The following CDC73 variants were observed in gnomAD, a reference collection of about 807,000 sequenced individuals.
CDC73 encodes cell division cycle 73, also known as parafibromin.
CDC73 carries 21 observed loss-of-function variants against 83.7 expected under a neutral mutation model. That is an observed-to-expected ratio of 0.25 (90% CI 0.18 to 0.36). The LOEUF (loss-of-function observed/expected upper bound fraction) is 0.36, where lower values mean the gene tolerates loss of function less well. CDC73 is among the 10% of genes least tolerant of loss of function. CDC73 has a pLI of 1.00. For synonymous variants in CDC73, 224 were observed against 212.9 expected (o/e 1.05, Z -0.45); for missense variants, 342 against 653.3 (o/e 0.52, Z 5.19).
rs374711334 is a variant in CDC73 at position 193,233,930 on chromosome 1, C to T, written c.1316+776C>T. ...CGGGAGTAAAAGTTGAGTATATATC[C>T]GTGATACAGAGAACGCAACACATGG... On this transcript the variant is annotated intron_variant, in intron 14 of 16. Coordinates refer to ENST00000367435, the MANE Select transcript of CDC73 (RefSeq NM_024529.5). 7.3e-5 allele frequency among the ~76,000 whole-genome samples: 11 copies of T among 151,594 alleles called. No homozygotes were observed. The South Asian group carries it at 1.3e-3, about 17-fold the overall frequency.
At chr1:193,203,750 G>T in intron 10 of CDC73, 45 bp from the exon 11 acceptor site, 1 of 1,405,256 alleles carries the variant, frequency 7.1e-7, no homozygotes, top group Non-Finnish European at 1.0e-6. Context: ...TGTTTATTAT[G>T]TAAAGAAACT....
chr1:193,194,970 A>G (rs1676977782), intron 10 of CDC73, among the ~76,000 whole-genome samples: 1 of 152,116 alleles, frequency 6.6e-6, no homozygotes, highest in Non-Finnish European at 1.5e-5. Flanking sequence ...TATATTAGTT[A>G]TTAGTATTTA....
At chr1:193,144,865 A>G (rs550385490) in intron 7 of CDC73, among the ~76,000 whole-genome samples, 66 of 152,042 alleles carry the variant, frequency 4.3e-4, no homozygotes, top group African/African-American at 1.5e-3. Flanking sequence ...CCTTGAAGGA[A>G]AGCAACTGAT....
intron 10 of CDC73, among the ~76,000 whole-genome samples, chr1:193,199,690 G>A (rs1285639441): frequency 6.9e-6 from 1 of 145,396 alleles, no homozygotes; most frequent in Non-Finnish European, 1.5e-5. Context: ...CAGCCTGGGT[G>A]ACAGAGCAAG....
At position 193,166,779 on chromosome 1, in the gene CDC73, C is replaced by T. The variant is rs1676442123; in HGVS notation, c.972+14335C>T. 2.0e-5 allele frequency among the ~76,000 whole-genome samples: 3 copies of T among 151,808 alleles called. No individual in the cohort carries two copies. The South Asian group carries it at 6.2e-4, about 32-fold the overall frequency. Reference sequence around the variant, plus strand: ...GTCCTGCCTCAGCCTTCCCGAGTAGCTGGGATTACAGTTATGCGCCACCAC... The same window carrying T: ...GTCCTGCCTCAGCCTTCCCGAGTAGTTGGGATTACAGTTATGCGCCACCAC... On this transcript the variant is annotated intron_variant, in intron 10 of 16. Transcript: ENST00000367435.
At chr1:193,207,959 A>C (rs778624018) in intron 11 of CDC73, among the ~76,000 whole-genome samples, 1 of 152,206 alleles carries the variant, frequency 6.6e-6, no homozygotes, top group Non-Finnish European at 1.5e-5. Flanking sequence ...CTCCAATTCA[A>C]ACCTCTGGTA....
At chr1:193,217,474 C>T (rs1010347311) in intron 13 of CDC73, among the ~76,000 whole-genome samples, 1 of 151,952 alleles carries the variant, frequency 6.6e-6, no homozygotes, top group Non-Finnish European at 1.5e-5. Context: ...CCCTGGAGTC[C>T]AGCCGCTGTG....
chr1:193,195,064 T>G (rs116201574), intron 10 of CDC73, among the ~76,000 whole-genome samples: 1 of 152,160 alleles, frequency 6.6e-6, no homozygotes, highest in African/African-American at 2.4e-5. Flanking sequence ...CACACAGGTA[T>G]GGAGTCTAAG....
intron 9 of CDC73, among the ~76,000 whole-genome samples, chr1:193,151,359 T>C (rs898336493): frequency 6.6e-6 from 1 of 152,330 alleles, no homozygotes; most frequent in East Asian, 1.9e-4. Context: ...CATTATAATA[T>C]TCAATGTTTT....
intron 7 of CDC73, among the ~76,000 whole-genome samples, chr1:193,145,665 T>G (rs557722667): frequency 6.6e-6 from 1 of 152,336 alleles, no homozygotes; most frequent in East Asian, 1.9e-4. Context: ...CACACAAACT[T>G]AAAGCTCTTT....
At chr1:193,207,804 A>AT (rs1324043883) in intron 11 of CDC73, among the ~76,000 whole-genome samples, 2 of 152,336 alleles carry the variant, frequency 1.3e-5, no homozygotes, top group Admixed American at 1.3e-4. Context: ...GGTGACATAC[A>AT]TTCTCAGTTT....
intron 10 of CDC73, chr1:193,181,372 A>G (rs1480896347): frequency 2.5e-6 from 4 of 1,613,958 alleles, no homozygotes; most frequent in Admixed American, 3.3e-5. Context: ...AAATCCTCGG[A>G]AAGTGTATGT....
intron 11 of CDC73, among the ~76,000 whole-genome samples, chr1:193,210,237 G>C (rs1677254118): frequency 1.3e-5 from 2 of 152,204 alleles, no homozygotes; most frequent in South Asian, 4.1e-4. Context: ...ATCACAATGA[G>C]AGAGCTATAT....
intron 5 of CDC73, chr1:193,136,421 AATG>A (rs1482021028): frequency 1.2e-4 from 29 of 232,360 alleles, no homozygotes; most frequent in Middle Eastern, 2.0e-3. Context: ...TTTAAGAGAT[AATG>A]ATGATAATTG....
chr1:193,186,689 A>G (rs555916690), intron 10 of CDC73: 3 of 152,264 alleles, frequency 2.0e-5, no homozygotes, highest in Admixed American at 2.0e-4. Flanking sequence ...GATTGTTTGC[A>G]TTCATTTTGA....
At chr1:193,206,109 C>T (rs569020000) in intron 11 of CDC73, among the ~76,000 whole-genome samples, 3 of 152,134 alleles carry the variant, frequency 2.0e-5, no homozygotes, top group African/African-American at 7.2e-5. Flanking sequence ...CCTAAACAAA[C>T]CATTTTGTTC....
In CDC73 at chr1:193,197,735, G is replaced by T. The variant is rs139747850; in HGVS notation, c.973-6060G>T. Among the ~76,000 whole-genome samples, 1,442 of 151,910 alleles carry T rather than the reference G, an allele frequency of 9.5e-3. 15 individuals carry two copies. Among genetic ancestry groups the T allele is most frequent in the South Asian group, 0.034 (163 of 4,806 alleles). On this transcript the variant is annotated intron_variant, in intron 10 of 16. Coordinates refer to ENST00000367435, the MANE Select transcript of CDC73 (RefSeq NM_024529.5). ...GAGGTCAGGAGTTCAAGACCAGCCCGGCCAACATGGTGAAACCCCGTCTCT... is the reference window on the plus strand; with the variant it reads ...GAGGTCAGGAGTTCAAGACCAGCCCTGCCAACATGGTGAAACCCCGTCTCT...
rs1678057045 is a variant in CDC73, at chr1:193,252,360, A to T, written c.*1648A>T. 8.7e-6 allele frequency: 2 copies of T among 229,886 alleles called. No homozygotes were observed. Among genetic ancestry groups the T allele is most frequent in the Admixed American group, 5.7e-5 (1 of 17,650 alleles). 14.2% of individuals were successfully genotyped at this position (229,886 alleles called of 1,614,324 possible). The stretch of plus-strand genomic sequence containing the variant: ...ACATGTTGTGTAAACTTTCTCCATG[A>T]TGAAATAGTCAAGGACCAGAATCTG... On this transcript the variant is annotated 3_prime_UTR_variant, in exon 17 of 17. Coordinates refer to ENST00000367435, the MANE Select transcript of CDC73 (RefSeq NM_024529.5).
At chr1:193,233,369 T>G (rs1677695662) in intron 14 of CDC73, among the ~76,000 whole-genome samples, 1 of 152,004 alleles carries the variant, frequency 6.6e-6, no homozygotes, top group Non-Finnish European at 1.5e-5. Flanking sequence ...CAGCCTATAT[T>G]TTTTAAATAT....
Sources: gnomAD v4.1 joint callset for allele counts (sites outside exome capture counted in the v4.1 genomes callset) on GRCh38, gnomAD v4.1.1 for gene constraint, MANE v1.5 for transcripts, NCBI Gene and HGNC (gene_info 2026-07-23, HGNC 2026-07-21) for gene names.